The following PDE3A variants were observed in gnomAD, a reference collection of about 807,000 sequenced individuals.
PDE3A encodes phosphodiesterase 3A, also known as cGMP-inhibited 3',5'-cyclic phosphodiesterase 3A.
A neutral mutation model predicts 98.3 loss-of-function variants in PDE3A; 43 were observed. That is an observed-to-expected ratio of 0.44 (90% CI 0.34 to 0.56). The LOEUF is 0.56. Ranked by LOEUF, PDE3A falls within the 20% of genes least tolerant of loss-of-function variation. The pLI, the probability that PDE3A is intolerant of heterozygous loss-of-function variation, is 0.01. For synonymous variants in PDE3A, 663 were observed against 567.9 expected, an observed-to-expected ratio of 1.17 and a Z score of -2.38; for missense variants, 1,427 against 1,440.7, an observed-to-expected ratio of 0.99 and a Z score of 0.15.
intron 1 of PDE3A, among the ~76,000 whole-genome samples, chr12:20,472,266 C>T (rs962777154): frequency 6.6e-6 from 1 of 152,188 alleles, no homozygotes; most frequent in African/African-American, 2.4e-5. Flanking sequence ...CTTCAGTAAA[C>T]TCTAGCCAAC....
At chr12:20,570,423 A>T (rs947850230) in intron 2 of PDE3A, among the ~76,000 whole-genome samples, 2 of 149,874 alleles carry the variant, frequency 1.3e-5, no homozygotes, top group African/African-American at 2.4e-5. Context: ...AAAAAAAAAA[A>T]AAAAAAAAAA....
chr12:20,546,248 T>A (rs1942054492), intron 1 of PDE3A, among the ~76,000 whole-genome samples: 1 of 151,988 alleles, frequency 6.6e-6, no homozygotes, highest in Non-Finnish European at 1.5e-5. Flanking sequence ...ACCCCAGGAA[T>A]TCTGTTAGCT....
intron 1 of PDE3A, among the ~76,000 whole-genome samples, chr12:20,545,288 G>A (rs1320270083): frequency 6.6e-6 from 1 of 151,982 alleles, no homozygotes; most frequent in Non-Finnish European, 1.5e-5. Flanking sequence ...TATATAGGAA[G>A]ATCATTATCA....
At position 20,456,090 on chromosome 12, in the gene PDE3A, C is replaced by T. The variant is rs181565311; in HGVS notation, c.960+85846C>T. On this transcript the variant is annotated intron_variant, in intron 1 of 15. Coordinates refer to ENST00000359062, the MANE Select transcript of PDE3A (RefSeq NM_000921.5). ...TTTAATATTTATATCCAGGACGTCG[C>T]GACAACCTGTAGCTTCCCTCATGAA... Among the ~76,000 whole-genome samples, 7 of 152,216 alleles carry T rather than the reference C, an allele frequency of 4.6e-5. No homozygotes were observed. The East Asian group carries it at 7.7e-4, about 17-fold the overall frequency.
rs1942213674 is a variant in PDE3A at position 20,551,876 on chromosome 12, A to C, written c.961-4784A>C. The stretch of plus-strand genomic sequence containing the variant: ...AAGGAATGTACCATCATCCCGTCCA[A>C]CCACTACGGACCCATCCCGGGGATC... On this transcript the variant is annotated intron_variant, in intron 1 of 15. Transcript: ENST00000359062. The C allele has an allele frequency of 3.7e-6, 6 of 1,613,602 alleles. No homozygotes were observed. The South Asian group carries it at 6.6e-5, about 18-fold the overall frequency.
chr12:20,501,586 G>A lies in PDE3A; in HGVS notation c.961-55074G>A, dbSNP rs188548608. Among the ~76,000 whole-genome samples, 105 of 152,224 alleles carry A rather than the reference G, an allele frequency of 6.9e-4. No individual in the cohort carries two copies. In the Middle Eastern group the frequency reaches 0.024, roughly 35 times the overall value. On this transcript the variant is annotated intron_variant, in intron 1 of 15. Transcript: ENST00000359062. ...GACGTGATGTGAAATTATTCGTAGA[G>A]CGAGGTAGTTAAATTTTGTTTGCTT...
chr12:20,379,527 T>G (rs1943627533), intron 1 of PDE3A, among the ~76,000 whole-genome samples: 2 of 151,810 alleles, frequency 1.3e-5, no homozygotes, highest in African/African-American at 4.8e-5. Flanking sequence ...AATCAAATTT[T>G]TGTAGCTTCC....
rs1284866120 is a variant in PDE3A at position 20,369,353 on chromosome 12, C to T, written c.69C>T (p.Pro23=). The T allele has an allele frequency of 7.1e-6, 11 of 1,548,724 alleles. No individual in the cohort carries two copies. The Admixed American group carries it at 2.0e-4, about 28-fold the overall frequency. ...KPVHSGVSQA[P]TAGRDCHHRA... is the part of the protein sequence containing the mutation. Reference sequence around the variant, plus strand: ...TCCACAGTGGGGTGAGTCAAGCCCCCACGGCGGGCCGGGACTGCCACCATC... The same window carrying T: ...TCCACAGTGGGGTGAGTCAAGCCCCTACGGCGGGCCGGGACTGCCACCATC... Residue 23 remains proline (P), a synonymous_variant, in exon 1 of 16, where the codon CCC becomes CCT. Transcript: ENST00000359062.
chr12:20,485,550 A>G (rs912634694), intron 1 of PDE3A, among the ~76,000 whole-genome samples: 1 of 152,172 alleles, frequency 6.6e-6, no homozygotes, highest in African/African-American at 2.4e-5. Flanking sequence ...CTCAGGGCTT[A>G]GAATAAGACA....
At chr12:20,637,504 A>G (rs1399957752) in intron 9 of PDE3A, among the ~76,000 whole-genome samples, 2 of 152,084 alleles carry the variant, frequency 1.3e-5, no homozygotes, top group Non-Finnish European at 2.9e-5. Flanking sequence ...CAAGGGACAA[A>G]CGATCTAGAA....
At chr12:20,386,286 T>TATAG (rs1565532835) in intron 1 of PDE3A, among the ~76,000 whole-genome samples, 8 of 132,458 alleles carry the variant, frequency 6.0e-5, no homozygotes, top group East Asian at 2.1e-4. Context: ...TTATAGTATA[T>TATAG]TATAGTATAA....
Position 20,650,531 on chromosome 12 carries a change from T to C in PDE3A, c.2856T>C (p.Asn952=), listed in dbSNP as rs371884933. The C allele has an allele frequency of 1.1e-5, 18 of 1,611,656 alleles. No individual in the cohort carries two copies. The highest frequency in any genetic ancestry group is 1.1e-4 in the African/African-American group (8 of 74,888). Residue 952 remains asparagine, a synonymous_variant, in exon 14 of 16, where the codon AAT becomes AAC. Transcript: ENST00000359062. ...CQMCIKLADI[N]GPAKCKELHL... is the part of the protein sequence containing the mutation. ...TGTGTATAAAGTTGGCTGATATCAATGGTCCAGCTAAATGTAAAGAACTCC... is the reference window on the plus strand; with the variant it reads ...TGTGTATAAAGTTGGCTGATATCAACGGTCCAGCTAAATGTAAAGAACTCC...
At chr12:20,574,960 G>T (rs938417232) in intron 2 of PDE3A, among the ~76,000 whole-genome samples, 4 of 151,882 alleles carry the variant, frequency 2.6e-5, no homozygotes, top group African/African-American at 7.3e-5. Context: ...AGATGGCATC[G>T]AAACCAAGCC....
intron 1 of PDE3A, among the ~76,000 whole-genome samples, chr12:20,488,621 C>T (rs61553836): frequency 0.094 from 14,261 of 151,768 alleles, 1,580 homozygotes; most frequent in African/African-American, 0.28. Context: ...TCCCTTGAAC[C>T]CAGGAGTTCA....
chr12:20,559,491 G>GATA (rs140415835), intron 2 of PDE3A, among the ~76,000 whole-genome samples: 7,789 of 149,144 alleles, frequency 0.052, 371 homozygotes, highest in East Asian at 0.2. Flanking sequence ...TACAAATAAT[G>GATA]ATAATAATAA....
intron 1 of PDE3A, among the ~76,000 whole-genome samples, chr12:20,476,206 C>T (rs1183916720): frequency 6.6e-6 from 1 of 152,132 alleles, no homozygotes; most frequent in Non-Finnish European, 1.5e-5. Context: ...AGGAGTAGAG[C>T]ATTGCTATTA....
chr12:20,503,605 A>C (rs1391594596), intron 1 of PDE3A, among the ~76,000 whole-genome samples: 1 of 152,050 alleles, frequency 6.6e-6, no homozygotes, highest in Non-Finnish European at 1.5e-5. Flanking sequence ...GAGTGATCTA[A>C]TTTGAATTTC....
intron 1 of PDE3A, among the ~76,000 whole-genome samples, chr12:20,446,416 G>T (rs10743375): frequency 0.86 from 131,025 of 152,104 alleles, 58,915 homozygotes; most frequent in East Asian, 1. Context: ...TTATGTGTTA[G>T]ATTTCATGGT....
chr12:20,545,395 A>G lies in PDE3A; in HGVS notation c.961-11265A>G, dbSNP rs916507192. Among the ~76,000 whole-genome samples, 4 of 152,160 alleles carry G rather than the reference A, an allele frequency of 2.6e-5. No homozygotes were observed. The South Asian group carries it at 8.3e-4, about 32-fold the overall frequency. ...TGAAGCCTTCTCATTCCCAGTGCTT[A>G]TGAAATTTACACTGGCTGCTATATT... is the stretch of plus-strand genomic sequence containing the variant. On this transcript the variant is annotated intron_variant, in intron 1 of 15. Transcript: ENST00000359062.
Sources: gnomAD v4.1 joint callset for allele counts (sites outside exome capture counted in the v4.1 genomes callset) on GRCh38, gnomAD v4.1.1 for gene constraint, MANE v1.5 for transcripts, NCBI Gene and HGNC (gene_info 2026-07-23, HGNC 2026-07-21) for gene names.